The following PFKL variants were observed in gnomAD, a reference collection of about 807,000 sequenced individuals.
PFKL encodes the protein ATP-dependent 6-phosphofructokinase, liver type.
Under a neutral mutation model 92.1 loss-of-function variants are expected in PFKL, and 74 were observed. The observed-to-expected ratio is 0.80, with a 90% CI of 0.67 to 0.97. The LOEUF (loss-of-function observed/expected upper bound fraction) is 0.97, where lower values mean the gene tolerates loss of function less well. PFKL is among the 50% of genes least tolerant of loss of function. The pLI is 0.00. For missense variants in PFKL, 1,028 were observed against 1,116.6 expected (o/e 0.92, Z 1.13); for synonymous variants, 494 against 456.4 (o/e 1.08, Z -1.05).
At chr21:44,307,547 C>G (rs1271996853) in intron 2 of PFKL, among the ~76,000 whole-genome samples, 3 of 152,200 alleles carry the variant, frequency 2.0e-5, no homozygotes, top group Non-Finnish European at 4.4e-5. Flanking sequence ...CCCAGGCACT[C>G]AGCCCCACCC....
chr21:44,325,807 AT>A (rs2047490058), intron 19 of PFKL, 153 bp from the exon 20 acceptor site: 1 of 614,326 alleles, frequency 1.6e-6, no homozygotes, highest in African/African-American at 1.8e-5. Context: ...AGGGTCCTCG[AT>A]CGGGAACAGA....
At position 44,322,990 on chromosome 21, in the gene PFKL, A is replaced by T. The variant is rs375601283; in HGVS notation, c.1438A>T (p.Ile480Phe). 6.2e-7 allele frequency: 1 copy of T among 1,612,816 alleles called. No individual in the cohort carries two copies. Among genetic ancestry groups the T allele is most frequent in the Non-Finnish European group, 8.5e-7 (1 of 1,179,552 alleles). The stretch of plus-strand genomic sequence containing the variant: ...CCTGCCCAAGGGCCAGCTGGAGTCC[A>T]TTGTGGAGAACATCCGCATCTATGG... ...RTLPKGQLES[I>F]VENIRIYGIH... Residue 480 changes from isoleucine to phenylalanine, a missense_variant, in exon 15 of 22, where the codon ATT becomes TTT. By Grantham distance (21) the Ile-to-Phe change is conservative. Coordinates refer to ENST00000349048, the MANE Select transcript of PFKL (RefSeq NM_002626.6).
At chr21:44,326,452 C>T (rs1289628762) in intron 21 of PFKL, among the ~76,000 whole-genome samples, 188 bp downstream of exon 21, 2 of 152,206 alleles carry the variant, frequency 1.3e-5, no homozygotes, top group Non-Finnish European at 2.9e-5. Flanking sequence ...GAGCACAACA[C>T]TGGGCAATCC....
rs182154571 is a variant in PFKL, at chr21:44,300,996, A to T, written c.85+806A>T. On this transcript the variant is annotated intron_variant, in intron 1 of 21. Coordinates refer to ENST00000349048, the MANE Select transcript of PFKL (RefSeq NM_002626.6). ...GAGAGAGGAGAGGATTTAGGAGACC[A>T]GAAGTGAGGTGCTGGGTTGGGAAGG... Among the ~76,000 whole-genome samples, 362 of 152,336 alleles carry T rather than the reference A, an allele frequency of 2.4e-3. 1 individual carries two copies. The highest frequency in any genetic ancestry group is 8.4e-3 in the African/African-American group (349 of 41,578).
chr21:44,300,288 C>A, intron 1 of PFKL, 98 bp downstream of exon 1: 1 of 466,292 alleles, frequency 2.1e-6, no homozygotes, highest in Non-Finnish European at 2.9e-6. Context: ...ACCCGGGTCT[C>A]GGGCCGGCCC....
chr21:44,322,998 G>T lies in PFKL; in HGVS notation c.1446G>T (p.Glu482Asp). Residue 482 changes from glutamate to aspartate, a missense_variant, in exon 15 of 22, where the codon GAG (glutamate) becomes GAT (aspartate). By Grantham distance (45) the Glu-to-Asp change is conservative. Transcript: ENST00000349048. The part of the protein sequence containing the change: ...LPKGQLESIV[E>D]NIRIYGIHAL... ...AGGGCCAGCTGGAGTCCATTGTGGA[G>T]AACATCCGCATCTATGGTATTCACG... is the stretch of plus-strand genomic sequence containing the variant. 1 of 1,613,098 alleles carries T rather than the reference G, an allele frequency of 6.2e-7. No individual in the cohort carries two copies. Among genetic ancestry groups the T allele is most frequent in the Non-Finnish European group, 8.5e-7 (1 of 1,179,638 alleles).
At chr21:44,320,231 T>A in intron 12 of PFKL, 84 bp downstream of exon 12, 2 of 1,216,322 alleles carry the variant, frequency 1.6e-6, no homozygotes, top group Non-Finnish European at 2.4e-6. Context: ...TGGCTGGGCC[T>A]GCCTGCCCCC....
intron 21 of PFKL, 119 bp downstream of exon 21, chr21:44,326,383 G>GC: frequency 1.3e-6 from 1 of 757,842 alleles, no homozygotes; most frequent in South Asian, 1.7e-5. Flanking sequence ...GGCCTCCTGG[G>GC]CCCCCATGCC....
intron 2 of PFKL, 81 bp from the exon 3 acceptor site, chr21:44,310,925 G>T: frequency 1.0e-6 from 1 of 967,894 alleles, no homozygotes; most frequent in South Asian, 1.4e-5. Flanking sequence ...TGCTGGTGGG[G>T]TGAAAATCCT....
At chr21:44,304,604 C>G in intron 1 of PFKL, 1 of 943,526 alleles carries the variant, frequency 1.1e-6, no homozygotes, top group South Asian at 2.4e-5. Flanking sequence ...CTCACAGCAC[C>G]ACCTTGGACG....
Position 44,323,064 on chromosome 21 carries a change from C to CCA in PFKL, c.1497+15_1497+16insCA. 5.6e-6 allele frequency: 6 copies of CCA among 1,063,224 alleles called. No homozygotes were observed. Among genetic ancestry groups the CCA allele is most frequent in the Non-Finnish European group, 7.6e-6 (6 of 786,216 alleles). 65.9% of individuals were successfully genotyped at this position (1,063,224 alleles called of 1,614,324 possible). A position where few individuals can be genotyped will look rare whatever the true frequency, so the allele number is the denominator to read the frequency against. On this transcript the variant is annotated intron_variant, in intron 15 of 21. Transcript: ENST00000349048. The stretch of plus-strand genomic sequence containing the variant: ...GTGGGTTTGAGGTGAGAGCTGCCCA[C>CCA]GGACGAAAAAGCCCCAGGGCACAGG...
At chr21:44,304,409 C>T in intron 1 of PFKL, 1 of 1,254,128 alleles carries the variant, frequency 8.0e-7, no homozygotes, top group South Asian at 1.3e-5. Context: ...CCTGGGTGCG[C>T]TGCTCCTGCC....
chr21:44,307,153 C>T (rs905551604), intron 2 of PFKL: 23 of 385,020 alleles, frequency 6.0e-5, no homozygotes, highest in Non-Finnish European at 7.8e-5. Flanking sequence ...CCAGGGACCT[C>T]ACCGCCTCTG....
chr21:44,307,917 G>A (rs1168887302), intron 2 of PFKL, among the ~76,000 whole-genome samples: 1 of 152,200 alleles, frequency 6.6e-6, no homozygotes, highest in Non-Finnish European at 1.5e-5. Flanking sequence ...TTTGTGGTTG[G>A]GAAAGACTCC....
intron 1 of PFKL, chr21:44,305,747 A>C (rs1478136886): frequency 1.0e-5 from 14 of 1,357,396 alleles, no homozygotes; most frequent in Non-Finnish European, 1.4e-5. Flanking sequence ...TGTGGGGTAC[A>C]TTAGCACCAG....
Position 44,306,695 on chromosome 21 carries a change from G to C in PFKL, c.100G>C (p.Val34Leu). The change falls in exon 2 of 22, where the codon GTC becomes CTC. Residue 34 changes from valine (V) to leucine (L), a missense_variant. Coordinates refer to ENST00000349048, the MANE Select transcript of PFKL (RefSeq NM_002626.6). ...GACCTCCACAGGCATGAACGCTGCTGTCCGGGCTGTGACGCGCATGGGCAT... is the reference window on the plus strand; with the variant it reads ...GACCTCCACAGGCATGAACGCTGCTCTCCGGGCTGTGACGCGCATGGGCAT... ...GGDAQGMNAA[V>L]RAVTRMGIYV... The C allele has an allele frequency of 1.2e-6, 2 of 1,613,840 alleles. No homozygotes were observed. The highest frequency in any genetic ancestry group is 1.7e-6 in the Non-Finnish European group (2 of 1,179,912).
chr21:44,315,421 TC>T (rs2047176135), intron 7 of PFKL: 1 of 152,426 alleles, frequency 6.6e-6, no homozygotes, highest in Non-Finnish European at 1.5e-5. Context: ...CAGCCCATCT[TC>T]CGGGTGTCTG....
In PFKL at chr21:44,327,015, T is replaced by TG; in HGVS notation, c.*154dup. 3 of 691,580 alleles carry TG rather than the reference T, an allele frequency of 4.3e-6. No homozygotes were observed. The highest frequency in any genetic ancestry group is 7.3e-6 in the Non-Finnish European group (3 of 412,710). 42.8% of individuals were successfully genotyped at this position (691,580 alleles called of 1,614,324 possible). Reference sequence around the variant, plus strand: ...TCCCCTGCCTCTATCCCTGGCCACCTGCCAGGCCTCCCTCGGGCTGGTGTC... The same window carrying TG: ...TCCCCTGCCTCTATCCCTGGCCACCTGGCCAGGCCTCCCTCGGGCTGGTGTC... On this transcript the variant is annotated 3_prime_UTR_variant, in exon 22 of 22. Transcript: ENST00000349048.
Position 44,316,330 on chromosome 21 carries a change from C to T in PFKL, c.834C>T (p.Tyr278=), listed in dbSNP as rs770086693. Residue 278 remains tyrosine, a synonymous_variant, in exon 8 of 22, where the codon TAC becomes TAT. Coordinates refer to ENST00000349048, the MANE Select transcript of PFKL (RefSeq NM_002626.6). ...ACGGGAAGCCCATCTCGTCCAGCTA[C>T]GTGAAGGACGTGCGTGTGGGCCTGG... ...DRNGKPISSS[Y]VKDLVVQRLG... 17 of 1,613,010 alleles carry T rather than the reference C, an allele frequency of 1.1e-5. No individual in the cohort carries two copies. The highest frequency in any genetic ancestry group is 2.2e-5 in the East Asian group (1 of 44,884).
Sources: gnomAD v4.1 joint callset for allele counts (sites outside exome capture counted in the v4.1 genomes callset) on GRCh38, gnomAD v4.1.1 for gene constraint, MANE v1.5 for transcripts, NCBI Gene and HGNC (gene_info 2026-07-23, HGNC 2026-07-21) for gene names.